Variants in NOL4 observed in about 807,000 individuals in gnomAD.
NOL4 encodes nucleolar protein 4.
Under a neutral mutation model 75.9 loss-of-function variants are expected in NOL4, and 17 were observed. That is an observed-to-expected ratio of 0.22 (90% confidence interval 0.15 to 0.34). NOL4 has a LOEUF of 0.34. NOL4 is among the 10% of genes least tolerant of loss of function. The pLI is 1.00. For synonymous variants in NOL4, 292 were observed against 289.9 expected, an observed-to-expected ratio of 1.01 and a Z score of -0.07; for missense variants, 614 against 793.5, an observed-to-expected ratio of 0.77 and a Z score of 2.72.
intron 1 of NOL4, among the ~76,000 whole-genome samples, chr18:34,203,672 T>TTC (rs1159513301): frequency 2.3e-5 from 2 of 85,634 alleles, no homozygotes; most frequent in South Asian, 3.9e-4. Context: ...CCTGATCTCT[T>TTC]TCTCTCTCTC....
chr18:34,135,943 G>A (rs11661900), intron 1 of NOL4, among the ~76,000 whole-genome samples: 138,635 of 152,092 alleles, frequency 0.91, 63,409 homozygotes, highest in African/African-American at 0.98. Flanking sequence ...CCTCAATAAA[G>A]TACTAGCAAA....
At chr18:34,096,468 CT>C (rs1239652456) in intron 4 of NOL4, among the ~76,000 whole-genome samples, 1 of 151,830 alleles carries the variant, frequency 6.6e-6, no homozygotes, top group South Asian at 2.1e-4. Flanking sequence ...TAAGCTTGTG[CT>C]TTTTTACCAA....
intron 7 of NOL4, 65 bp from the exon 8 acceptor site, chr18:33,957,582 C>G (rs1801328181): frequency 7.9e-7 from 1 of 1,265,760 alleles, no homozygotes. Context: ...TCCTAGCTTC[C>G]TGTCTTGATT....
chr18:34,005,746 C>T (rs1568202994), intron 6 of NOL4, among the ~76,000 whole-genome samples: 1 of 152,032 alleles, frequency 6.6e-6, no homozygotes, highest in Non-Finnish European at 1.5e-5. Flanking sequence ...CGATGATTCC[C>T]CATACTCAGG....
intron 9 of NOL4, among the ~76,000 whole-genome samples, chr18:33,900,071 T>C (rs954264270): frequency 6.6e-6 from 1 of 152,098 alleles, no homozygotes; most frequent in Admixed American, 6.6e-5. Flanking sequence ...TATAAAGAAA[T>C]GCCTAAGTCT....
rs1431382179 is a variant in NOL4, at chr18:33,860,867, C to T, written c.1724-7832G>A. On this transcript the variant is annotated intron_variant, in intron 10 of 10. Coordinates refer to ENST00000261592, the MANE Select transcript of NOL4 (RefSeq NM_003787.5). ...AAGAGTTGTTGAATTTTGTCAAAGGCCTTTTCTGCATCTATTGAGATAATC... is the reference window on the plus strand; with the variant it reads ...AAGAGTTGTTGAATTTTGTCAAAGGTCTTTTCTGCATCTATTGAGATAATC... Among the ~76,000 whole-genome samples the T allele has an allele frequency of 4.6e-5, 7 of 151,904 alleles. No individual in the cohort carries two copies. In the South Asian group the frequency reaches 1.0e-3, roughly 23 times the overall value.
At chr18:34,149,893 A>G (rs1313877894) in intron 1 of NOL4, among the ~76,000 whole-genome samples, 1 of 151,698 alleles carries the variant, frequency 6.6e-6, no homozygotes, top group Non-Finnish European at 1.5e-5. Flanking sequence ...AGTAGAATTT[A>G]TACCTCTATA....
At chr18:33,956,076 G>T (rs901606627) in intron 8 of NOL4, among the ~76,000 whole-genome samples, 2 of 152,020 alleles carry the variant, frequency 1.3e-5, no homozygotes, top group African/African-American at 4.8e-5. Context: ...TCACCTATTG[G>T]AGATGCCCTA....
chr18:34,189,826 A>G (rs2034776445), intron 1 of NOL4, among the ~76,000 whole-genome samples: 1 of 151,932 alleles, frequency 6.6e-6, no homozygotes, highest in African/African-American at 2.4e-5. Context: ...TTTGAATCCA[A>G]AAGAGTCATA....
intron 1 of NOL4, among the ~76,000 whole-genome samples, chr18:34,188,130 G>A (rs1002217140): frequency 6.6e-6 from 1 of 152,124 alleles, no homozygotes. Context: ...TTAATTACAG[G>A]CGTTTTAAGA....
chr18:34,098,229 T>C (rs866161900), intron 4 of NOL4, among the ~76,000 whole-genome samples: 1 of 152,130 alleles, frequency 6.6e-6, no homozygotes, highest in Non-Finnish European at 1.5e-5. Context: ...AATAGAAATA[T>C]GGCAGAAGTG....
chr18:33,866,536 ATTCTCAGTACTCAGCTATG>A (rs1321060750), intron 10 of NOL4, among the ~76,000 whole-genome samples: 2 of 152,144 alleles, frequency 1.3e-5, no homozygotes, highest in East Asian at 3.9e-4. Context: ...GCATTTGCTA[ATTCTCAGTACTCAGCTATG>A]TAAACTGACT....
chr18:34,029,651 C>T (rs1261095512), intron 5 of NOL4, among the ~76,000 whole-genome samples: 2 of 152,114 alleles, frequency 1.3e-5, no homozygotes, highest in Non-Finnish European at 2.9e-5. Context: ...ATACTGCGAA[C>T]ACCTGCCATG....
At chr18:33,888,885 TTG>T (rs2064928140) in intron 9 of NOL4, among the ~76,000 whole-genome samples, 1 of 152,098 alleles carries the variant, frequency 6.6e-6, no homozygotes, top group Admixed American at 6.6e-5. Flanking sequence ...TTGCTTGGGA[TTG>T]TCTTTGCTAA....
chr18:34,128,041 G>C (rs1210487208), intron 2 of NOL4, among the ~76,000 whole-genome samples: 1 of 151,802 alleles, frequency 6.6e-6, no homozygotes, highest in African/African-American at 2.4e-5. Context: ...TCAAAATTGT[G>C]TACACTGGAA....
At chr18:34,170,980 G>T (rs921918486) in intron 1 of NOL4, among the ~76,000 whole-genome samples, 6 of 152,088 alleles carry the variant, frequency 3.9e-5, no homozygotes, top group Admixed American at 1.3e-4. Context: ...CTATAATTAA[G>T]CTAACATTGA....
At chr18:34,062,694 A>G (rs115891799) in intron 5 of NOL4, among the ~76,000 whole-genome samples, 4,077 of 152,234 alleles carry the variant, frequency 0.027, 204 homozygotes, top group African/African-American at 0.093. Flanking sequence ...CAAATGTCCA[A>G]CTTTTTTGTA....
intron 8 of NOL4, among the ~76,000 whole-genome samples, chr18:33,949,538 G>A (rs1274376308): frequency 6.6e-6 from 1 of 152,070 alleles, no homozygotes; most frequent in Non-Finnish European, 1.5e-5. Context: ...TGTCTAAGAT[G>A]TAAATCAATA....
At chr18:33,940,136 C>G (rs1186545122) in intron 9 of NOL4, among the ~76,000 whole-genome samples, 14 of 152,016 alleles carry the variant, frequency 9.2e-5, no homozygotes, top group Admixed American at 9.2e-4. Context: ...TTGTGGAAGA[C>G]AATGTGGCGA....
Sources: allele counts gnomAD v4.1 joint callset (sites outside exome capture counted in the v4.1 genomes callset), GRCh38; gene constraint gnomAD v4.1.1; transcripts MANE v1.5; gene names NCBI Gene and HGNC (gene_info 2026-07-23, HGNC 2026-07-21).